The following PRRC2B variants were observed in gnomAD, a reference collection of about 807,000 sequenced individuals.
The protein encoded by PRRC2B is proline rich coiled-coil 2B, also known as protein PRRC2B.
PRRC2B carries 68 observed loss-of-function variants against 242.3 expected under a neutral mutation model. The ratio of observed to expected loss-of-function variants is 0.28; its 90% CI spans 0.23 to 0.34. The LOEUF is 0.34. Among genes scored for constraint, PRRC2B ranks in the 10% least tolerant of loss-of-function variants. The pLI is 1.00. For missense variants in PRRC2B, 2,835 were observed against 2,954.8 expected (o/e 0.96, Z 0.94); for synonymous variants, 1,228 against 1,173.6 (o/e 1.05, Z -0.95).
chr9:131,454,653 C>A (rs80233356), intron 9 of PRRC2B, among the ~76,000 whole-genome samples: 1 of 145,740 alleles, frequency 6.9e-6, no homozygotes, highest in East Asian at 2.0e-4. Flanking sequence ...TTTTTTTTTT[C>A]GAGATGGAGT....
intron 1 of PRRC2B, among the ~76,000 whole-genome samples, chr9:131,424,183 C>G (rs1837922538): frequency 6.6e-6 from 1 of 152,146 alleles, no homozygotes; most frequent in Non-Finnish European, 1.5e-5. Context: ...TTCAAGTGAT[C>G]CGCCTGCTTC....
At chr9:131,393,009 C>T (rs1836930690), upstream of PRRC2B, among the ~76,000 whole-genome samples, 1 of 151,914 alleles carries the variant, frequency 6.6e-6, no homozygotes, top group Admixed American at 6.6e-5. Flanking sequence ...ATAAATAAGG[C>T]TATAAAAGTA....
intron 1 of PRRC2B, among the ~76,000 whole-genome samples, chr9:131,399,102 C>A (rs1291455144): frequency 2.0e-5 from 3 of 150,924 alleles, no homozygotes; most frequent in Admixed American, 6.6e-5. Flanking sequence ...ATGGTGAAAC[C>A]CCGTCTCTGC....
At position 131,484,822 on chromosome 9, in the gene PRRC2B, A is replaced by C. The variant is rs1313386008; in HGVS notation, c.5565+32A>C. On this transcript the variant is annotated intron_variant, in intron 24 of 31. Coordinates refer to ENST00000683519, the MANE Select transcript of PRRC2B (RefSeq NM_013318.4). ...CCAGCCCTGAGCTGGGTGAGGGCCC[A>C]CCCAGTACCTTAGCTTACAAAGAGG... 3.8e-6 allele frequency: 6 copies of C among 1,580,536 alleles called. No individual in the cohort carries two copies. The South Asian group carries it at 6.9e-5, about 18-fold the overall frequency.
rs573025647 is a variant in PRRC2B, at chr9:131,377,007, T to C, written c.-56+3276T>C. Among the ~76,000 whole-genome samples the C allele has an allele frequency of 2.1e-4, 32 of 152,280 alleles. 1 individual carries two copies. Among genetic ancestry groups the C allele is most frequent in the Admixed American group, 2.0e-3 (30 of 15,280 alleles). Reference sequence around the variant, plus strand: ...GGGTGACACAGCAAGACCCGGTCCGTTGAAAAAATAAATAAAAAAAGTTTG... The same window carrying C: ...GGGTGACACAGCAAGACCCGGTCCGCTGAAAAAATAAATAAAAAAAGTTTG... On this transcript the variant is annotated intron_variant, in intron 1 of 1. Transcript: ENST00000682525.
At chr9:131,450,858 G>C (rs544259931) in intron 9 of PRRC2B, among the ~76,000 whole-genome samples, 1 of 152,284 alleles carries the variant, frequency 6.6e-6, no homozygotes, top group Admixed American at 6.5e-5. Flanking sequence ...AAAGTGCTGG[G>C]ATTACAGGTA....
Position 131,444,188 on chromosome 9 carries a change from T to C in PRRC2B, c.473T>C (p.Leu158Ser). The change falls in exon 6 of 32, where the codon TTA becomes TCA. Residue 158 changes from leucine (L) to serine (S), a missense_variant. Physicochemically the swap from Leu to Ser is moderately radical, Grantham distance 145. Transcript: ENST00000683519. Reference sequence around the variant, plus strand: ...GTCTACCCCGTCTTCTTGACAGGTTTAAGGGGCTCAAGCCGACTGTTATCC... The same window carrying C: ...GTCTACCCCGTCTTCTTGACAGGTTCAAGGGGCTCAAGCCGACTGTTATCC... ...NGKPVGHEGG[L>S]RGSSRLLSFS... 1 of 1,613,978 alleles carries C rather than the reference T, an allele frequency of 6.2e-7. No homozygotes were observed. Among genetic ancestry groups the C allele is most frequent in the South Asian group, 1.1e-5 (1 of 91,082 alleles).
In PRRC2B at chr9:131,494,963, C is replaced by T. The variant is rs568898035; in HGVS notation, c.6555+477C>T. Among the ~76,000 whole-genome samples the T allele has an allele frequency of 1.6e-4, 24 of 152,314 alleles. No homozygotes were observed. In the South Asian group the frequency reaches 3.9e-3, roughly 25 times the overall value. On this transcript the variant is annotated intron_variant, in intron 31 of 31. Transcript: ENST00000683519. This position sits in a 1 kb window ranked among gnomAD's most constrained non-coding sequence, Gnocchi z 4.3. ...CTTTTCCTGCACGCACTATTCTCTTCTCTATTCTCTAAAACGTGCTGGGGC... is the reference window on the plus strand; with the variant it reads ...CTTTTCCTGCACGCACTATTCTCTTTTCTATTCTCTAAAACGTGCTGGGGC...
In PRRC2B at chr9:131,475,330, G is replaced by A; in HGVS notation, c.3201G>A (p.Arg1067=). The change falls in exon 16 of 32, where the codon CGG becomes CGA. Residue 1067 remains arginine, a synonymous_variant. Transcript: ENST00000683519. ...AFGVRGQARG[R]GRGFREFTFR... The stretch of plus-strand genomic sequence containing the variant: ...GGGTCAGAGGACAGGCCCGGGGCCG[G>A]GGCCGTGGTTTCAGAGAGTTCACTT... 6.3e-7 allele frequency: 1 copy of A among 1,594,032 alleles called. No individual in the cohort carries two copies. Among genetic ancestry groups the A allele is most frequent in the Non-Finnish European group, 8.5e-7 (1 of 1,171,006 alleles).
rs56044455 is a variant in PRRC2B at position 131,496,593 on chromosome 9, G to C, written c.*719G>C. The C allele has an allele frequency of 1.3e-5, 2 of 150,364 alleles. No individual in the cohort carries two copies. 9.3% of individuals were successfully genotyped at this position (150,364 alleles called of 1,614,324 possible). On this transcript the variant is annotated 3_prime_UTR_variant, in exon 32 of 32. Transcript: ENST00000683519. ...GTGCCTGGCTCCCCGCCTGGGAAGCGATGGGGTGCTCAGAGCAGCAGGCAG... is the reference window on the plus strand; with the variant it reads ...GTGCCTGGCTCCCCGCCTGGGAAGCCATGGGGTGCTCAGAGCAGCAGGCAG...
At position 131,496,932 on chromosome 9, in the gene PRRC2B, T is replaced by C. The variant is rs1944351188; in HGVS notation, c.*1058T>C. 1.3e-5 allele frequency: 2 copies of C among 152,382 alleles called. No individual in the cohort carries two copies. The highest frequency in any genetic ancestry group is 4.1e-4 in the South Asian group (2 of 4,834). The allele number at this position is 152,382 out of a possible 1,614,324, so 9.4% of individuals were successfully genotyped here. On this transcript the variant is annotated 3_prime_UTR_variant, in exon 32 of 32. Coordinates refer to ENST00000683519, the MANE Select transcript of PRRC2B (RefSeq NM_013318.4). ...GTGCTGTGTTTTTCACACATTTCTT[T>C]CCCTGAAGCCTTCTGTAACCTGTCA... is the stretch of plus-strand genomic sequence containing the variant.
chr9:131,479,404 G>A lies in PRRC2B; in HGVS notation c.4900+11G>A. ...AGAGCAGCAGCCAGGGTGAGAGTTG[G>A]GGGTGTGACCCCAGCTGTGGCACCC... is the stretch of plus-strand genomic sequence containing the variant. On this transcript the variant is annotated intron_variant, in intron 19 of 31. Coordinates refer to ENST00000683519, the MANE Select transcript of PRRC2B (RefSeq NM_013318.4). 1.2e-6 allele frequency: 2 copies of A among 1,611,898 alleles called. No individual in the cohort carries two copies. The highest frequency in any genetic ancestry group is 2.2e-5 in the South Asian group (2 of 90,618).
chr9:131,450,053 G>C (rs1013972355), intron 9 of PRRC2B, among the ~76,000 whole-genome samples: 1 of 152,158 alleles, frequency 6.6e-6, no homozygotes, highest in Non-Finnish European at 1.5e-5. Context: ...TCTGGACACT[G>C]TTCCATTGAT....
intron 1 of PRRC2B, among the ~76,000 whole-genome samples, chr9:131,413,962 G>T (rs139160968): frequency 6.6e-6 from 1 of 152,154 alleles, no homozygotes; most frequent in Non-Finnish European, 1.5e-5. Context: ...AAGCCACCAC[G>T]CCGGGCCTTA....
intron 26 of PRRC2B, 26 bp downstream of exon 26, chr9:131,486,208 G>A: frequency 6.7e-7 from 1 of 1,494,950 alleles, no homozygotes; most frequent in Non-Finnish European, 9.3e-7. Context: ...CAGGTGGCCT[G>A]GCTGGGGGTG....
chr9:131,419,746 G>A (rs1389823054), intron 1 of PRRC2B, among the ~76,000 whole-genome samples: 1 of 152,170 alleles, frequency 6.6e-6, no homozygotes, highest in African/African-American at 2.4e-5. Context: ...TCAAGTCACA[G>A]TGTGGAGTGG....
chr9:131,478,327 A>T, intron 17 of PRRC2B, 147 bp from the exon 18 acceptor site: 1 of 770,238 alleles, frequency 1.3e-6, no homozygotes, highest in Non-Finnish European at 2.2e-6. Flanking sequence ...ACAATGTGTT[A>T]GATCAGAGGC....
chr9:131,467,507 GT>G, intron 12 of PRRC2B, 55 bp from the exon 13 acceptor site: 1 of 1,430,914 alleles, frequency 7.0e-7, no homozygotes, highest in Non-Finnish European at 9.5e-7. Flanking sequence ...TAAACACTTG[GT>G]TGGCTGAGCT....
Position 131,478,497 on chromosome 9 carries a change from T to A in PRRC2B, c.4636T>A (p.Ser1546Thr). ...AGGTGCCATCATTGAAAATTGCGGG[T>A]CCAGCCCCGGGGAGGAGAGTGAGGT... ...YGSAIIENCG[S>T]SPGEESEVGS... The change falls in exon 18 of 32, where the codon TCC becomes ACC. Residue 1546 changes from serine (S) to threonine (T), a missense_variant. Transcript: ENST00000683519. 1 of 1,613,344 alleles carries A rather than the reference T, an allele frequency of 6.2e-7. No homozygotes were observed. Among genetic ancestry groups the A allele is most frequent in the South Asian group, 1.1e-5 (1 of 91,026 alleles).
Sources: allele counts gnomAD v4.1 joint callset (sites outside exome capture counted in the v4.1 genomes callset), GRCh38; gene constraint gnomAD v4.1.1; non-coding constraint Gnocchi (gnomAD v3.1); transcripts MANE v1.5; gene names NCBI Gene and HGNC (gene_info 2026-07-23, HGNC 2026-07-21).